ALG6: variants seen among roughly 807,000 people sequenced by gnomAD.
The protein encoded by ALG6 is dolichyl pyrophosphate Man9GlcNAc2 alpha-1,3-glucosyltransferase.
ALG6 carries 46 observed loss-of-function variants against 66.6 expected under a neutral mutation model. The ratio of observed to expected loss-of-function variants is 0.69; its 90% confidence interval spans 0.55 to 0.88. ALG6 has a LOEUF of 0.88. ALG6 is among the 40% of genes least tolerant of loss of function. The pLI is 0.00. For missense variants in ALG6, 505 were observed against 586.8 expected (o/e 0.86, Z 1.44); for synonymous variants, 185 against 203.7 (o/e 0.91, Z 0.78).
chr1:63,369,490 G>A (rs367934111), intron 1 of ALG6, among the ~76,000 whole-genome samples: 6 of 151,914 alleles, frequency 3.9e-5, no homozygotes, highest in South Asian at 2.1e-4. Flanking sequence ...TTAGCCAGGC[G>A]TGGTGGTGGG....
intron 11 of ALG6, among the ~76,000 whole-genome samples, chr1:63,418,506 T>G (rs1383100852): frequency 4.6e-5 from 7 of 151,802 alleles, no homozygotes; most frequent in Admixed American, 4.6e-4. Context: ...GTGAGGGAGA[T>G]ACAAGAGATG....
At chr1:63,412,174 T>C (rs966461653) in intron 9 of ALG6, 113 bp downstream of exon 9, 1 of 1,476,928 alleles carries the variant, frequency 6.8e-7, no homozygotes, top group African/African-American at 1.4e-5. Context: ...CCTCCTGTAA[T>C]CATTCCTTGC....
chr1:63,434,337 A>G (rs111668448), intron 14 of ALG6, among the ~76,000 whole-genome samples: 1,547 of 152,328 alleles, frequency 0.01, 8 homozygotes, highest in Non-Finnish European at 0.016. Context: ...TTTGGCATAC[A>G]TAACTGAATG....
intron 4 of ALG6, among the ~76,000 whole-genome samples, chr1:63,403,260 T>C (rs1644474478): frequency 6.6e-6 from 1 of 152,128 alleles, no homozygotes; most frequent in East Asian, 1.9e-4. Context: ...ATGTGTTGTG[T>C]ATAAGAAAGT....
chr1:63,382,908 C>A (rs1253270758), intron 2 of ALG6, among the ~76,000 whole-genome samples: 2 of 152,086 alleles, frequency 1.3e-5, no homozygotes, highest in African/African-American at 2.4e-5. Context: ...GAGCTCCTGA[C>A]CTCATGATCC....
rs2100412827 is a variant in ALG6 at position 63,402,304 on chromosome 1, C to T, written c.218C>T (p.Pro73Leu). 6.2e-7 allele frequency: 1 copy of T among 1,611,938 alleles called. No individual in the cohort carries two copies. Among genetic ancestry groups the T allele is most frequent in the Non-Finnish European group, 8.5e-7 (1 of 1,178,416 alleles). ...TTACAGTATTGGGGATTGGATTACCCACCTCTTACAGCTTATCATAGTCTC... is the reference window on the plus strand; with the variant it reads ...TTACAGTATTGGGGATTGGATTACCTACCTCTTACAGCTTATCATAGTCTC... Reference protein sequence around the residue: ...NNLQYWGLDYPPLTAYHSLLC... With the variant: ...NNLQYWGLDYLPLTAYHSLLC... The change falls in exon 4 of 15, where the codon CCA becomes CTA. Residue 73 changes from proline to leucine, a missense_variant. Coordinates refer to ENST00000263440, the MANE Select transcript of ALG6 (RefSeq NM_013339.4).
chr1:63,396,751 T>C (rs1409011043), intron 3 of ALG6, among the ~76,000 whole-genome samples, 154 bp downstream of exon 3: 1 of 152,228 alleles, frequency 6.6e-6, no homozygotes, highest in African/African-American at 2.4e-5. Flanking sequence ...TTTGTAGGCC[T>C]GTCTTTGAAA....
chr1:63,427,313 T>C (rs1279792447), intron 12 of ALG6, among the ~76,000 whole-genome samples: 3 of 151,912 alleles, frequency 2.0e-5, no homozygotes, highest in Non-Finnish European at 4.4e-5. Flanking sequence ...GCGCCCGGCC[T>C]AGTAATTTCT....
intron 6 of ALG6, 83 bp from the exon 7 acceptor site, chr1:63,406,979 T>C: frequency 2.0e-6 from 2 of 980,902 alleles, no homozygotes; most frequent in Non-Finnish European, 3.3e-6. Flanking sequence ...CATTTGCTAA[T>C]GTGTTAGATA....
At chr1:63,403,094 CAAAAAAAAAAA>C (rs1160526296) in intron 4 of ALG6, among the ~76,000 whole-genome samples, 1 of 65,322 alleles carries the variant, frequency 1.5e-5, no homozygotes, top group South Asian at 5.6e-4. Flanking sequence ...GACTCCATCT[CAAAAAAAAAAA>C]AAAAAAAAAA....
rs770413197 is a variant in ALG6 at position 63,419,404 on chromosome 1, T to C, written c.1022T>C (p.Phe341Ser). The stretch of plus-strand genomic sequence containing the variant: ...GCGCTATCATTCTTTTTATTTTCTT[T>C]CCAAGTACATGAAAAATCCATTCTC... ...SCALSFFLFS[F>S]QVHEKSILLV... Residue 341 changes from phenylalanine (F) to serine (S), a missense_variant, in exon 12 of 15, where the codon TTC (phenylalanine) becomes TCC (serine). Coordinates refer to ENST00000263440, the MANE Select transcript of ALG6 (RefSeq NM_013339.4). 1 of 1,610,186 alleles carries C rather than the reference T, an allele frequency of 6.2e-7. No homozygotes were observed. The highest frequency in any genetic ancestry group is 1.1e-5 in the South Asian group (1 of 90,160).
intron 5 of ALG6, among the ~76,000 whole-genome samples, chr1:63,405,523 A>G (rs889186613): frequency 2.0e-5 from 3 of 152,154 alleles, no homozygotes; most frequent in Non-Finnish European, 4.4e-5. Flanking sequence ...AAAGATTCCT[A>G]TATACTTCAG....
At chr1:63,435,435 C>CCT (rs1480431484) in intron 14 of ALG6, among the ~76,000 whole-genome samples, 13 of 152,108 alleles carry the variant, frequency 8.5e-5, no homozygotes, top group Non-Finnish European at 1.6e-4. Context: ...TGGCGCCTAT[C>CCT]CTCGCTTTTC....
At chr1:63,386,475 C>T (rs779324929) in intron 2 of ALG6, among the ~76,000 whole-genome samples, 1 of 152,078 alleles carries the variant, frequency 6.6e-6, no homozygotes, top group African/African-American at 2.4e-5. Flanking sequence ...CTTTTAATTA[C>T]TGCTTTGATG....
intron 12 of ALG6, among the ~76,000 whole-genome samples, chr1:63,426,257 G>C (rs918645091): frequency 1.3e-5 from 2 of 152,062 alleles, no homozygotes; most frequent in African/African-American, 4.8e-5. Context: ...AGGGAGAACT[G>C]GTAGGAAAGT....
At chr1:63,415,999 C>T in intron 11 of ALG6, 42 bp downstream of exon 11, 2 of 1,363,332 alleles carry the variant, frequency 1.5e-6, no homozygotes, top group Non-Finnish European at 2.1e-6. Context: ...CTTGCCACAA[C>T]TGATCTTTTA....
chr1:63,371,511 A>G (rs1647924037), intron 2 of ALG6, among the ~76,000 whole-genome samples: 2 of 152,204 alleles, frequency 1.3e-5, no homozygotes, highest in South Asian at 2.1e-4. Flanking sequence ...GCAGGTACCT[A>G]TTTAGCACGT....
In ALG6 at chr1:63,389,954, G is replaced by C. The variant is rs116666966; in HGVS notation, c.83-6559G>C. ...GAAATGGAGTCTGTCTCTCCATGTT[G>C]AGCTGATGGGAGCTGGAGGAGGGGT... On this transcript the variant is annotated intron_variant, in intron 2 of 14. Coordinates refer to ENST00000263440, the MANE Select transcript of ALG6 (RefSeq NM_013339.4). Among the ~76,000 whole-genome samples the C allele has an allele frequency of 1.8e-3, 278 of 152,238 alleles. 1 individual carries two copies. Among genetic ancestry groups the C allele is most frequent in the African/African-American group, 6.6e-3 (272 of 41,524 alleles).
intron 3 of ALG6, among the ~76,000 whole-genome samples, chr1:63,399,934 C>T (rs182708230): frequency 8.8e-4 from 133 of 151,610 alleles, no homozygotes; most frequent in African/African-American, 2.2e-3. Context: ...CAGTGGCTTA[C>T]GCCTGTAATC....
Sources: allele counts gnomAD v4.1 joint callset (sites outside exome capture counted in the v4.1 genomes callset), GRCh38; gene constraint gnomAD v4.1.1; transcripts MANE v1.5; gene names NCBI Gene and HGNC (gene_info 2026-07-23, HGNC 2026-07-21).